Variants in ANK1 observed in about 807,000 individuals in gnomAD.
The protein encoded by ANK1 is ankyrin-1.
A neutral mutation model predicts 210.4 loss-of-function variants in ANK1; 51 were observed. That is an observed-to-expected ratio of 0.24 (90% CI 0.19 to 0.31). The LOEUF is 0.31. ANK1 is among the 10% of genes least tolerant of loss of function. The pLI, the probability that ANK1 is intolerant of heterozygous loss-of-function variation, is 1.00. For missense variants in ANK1, 2,051 were observed against 2,504.4 expected (o/e 0.82, Z 3.86); for synonymous variants, 967 against 1,025.9 (o/e 0.94, Z 1.10).
intron 1 of ANK1, among the ~76,000 whole-genome samples, chr8:41,881,488 G>A (rs1817580259): frequency 6.6e-6 from 1 of 152,200 alleles, no homozygotes; most frequent in African/African-American, 2.4e-5. Flanking sequence ...TCTGTACTCA[G>A]GGGGTTTGGA....
chr8:41,863,036 A>T (rs1435151730), intron 1 of ANK1, among the ~76,000 whole-genome samples: 1 of 151,580 alleles, frequency 6.6e-6, no homozygotes. Flanking sequence ...AAAAAGTTTG[A>T]CATAAAGAAT....
chr8:41,672,228 G>A, intron 38 of ANK1, 126 bp downstream of exon 38: 1 of 1,010,698 alleles, frequency 9.9e-7, no homozygotes, highest in East Asian at 2.5e-5. Context: ...GAATGTATGT[G>A]CTCCTGTGCA....
chr8:41,795,533 A>G (rs1210320367), intron 1 of ANK1, among the ~76,000 whole-genome samples: 2 of 151,926 alleles, frequency 1.3e-5, no homozygotes, highest in Non-Finnish European at 2.9e-5. Flanking sequence ...TTATTATTAA[A>G]TAAATAAATA....
In ANK1 at chr8:41,704,151, G is replaced by A; in HGVS notation, c.2197-12C>T. On this transcript the variant is annotated splice_polypyrimidine_tract_variant and intron_variant, in intron 19 of 42. Transcript: ENST00000289734. This position sits in a 1 kb window ranked among gnomAD's most constrained non-coding sequence, Gnocchi z 4.1. ...GGGCTGTATCCTAGCTGCAAAGTGA[G>A]CAGACATTTAGGCAGGGTTAGCCAG... 6.2e-7 allele frequency: 1 copy of A among 1,612,664 alleles called. No homozygotes were observed. The highest frequency in any genetic ancestry group is 8.5e-7 in the Non-Finnish European group (1 of 1,179,148).
intron 42 of ANK1, chr8:41,660,309 G>A (rs554491213): frequency 5.5e-5 from 23 of 420,760 alleles, no homozygotes; most frequent in Admixed American, 1.0e-4. Flanking sequence ...GATTTTTGCC[G>A]AATGCAGAAA....
chr8:41,879,552 G>C (rs1817213432), intron 1 of ANK1, among the ~76,000 whole-genome samples: 1 of 152,220 alleles, frequency 6.6e-6, no homozygotes, highest in African/African-American at 2.4e-5. Context: ...ATGTAGGAAG[G>C]AGACCAAACA....
intron 1 of ANK1, among the ~76,000 whole-genome samples, chr8:41,879,171 C>A (rs1817143905): frequency 6.6e-6 from 1 of 152,128 alleles, no homozygotes; most frequent in Non-Finnish European, 1.5e-5. Flanking sequence ...GTGTTCCTGT[C>A]CCAGCTCTGC....
intron 33 of ANK1, among the ~76,000 whole-genome samples, chr8:41,688,986 T>A (rs1818472420): frequency 6.6e-6 from 1 of 152,228 alleles, no homozygotes; most frequent in South Asian, 2.1e-4. Context: ...GGGTTGAACT[T>A]AAAATGATTG....
chr8:41,873,939 A>C (rs1425458685), intron 1 of ANK1, among the ~76,000 whole-genome samples: 2 of 152,174 alleles, frequency 1.3e-5, no homozygotes, highest in Admixed American at 1.3e-4. Flanking sequence ...GCCAAGCTCA[A>C]ACCAACACCC....
intron 38 of ANK1, among the ~76,000 whole-genome samples, chr8:41,671,145 G>T (rs1419824406): frequency 1.3e-5 from 2 of 152,152 alleles, no homozygotes; most frequent in African/African-American, 4.8e-5. Flanking sequence ...ACCTGCCGAC[G>T]CTGCTTTTCT....
At chr8:41,722,998 A>T (rs1170144443) in intron 9 of ANK1, 127 bp downstream of exon 9, 2 of 865,884 alleles carry the variant, frequency 2.3e-6, no homozygotes. Flanking sequence ...CTTGTAATAA[A>T]TGTCAAAGGT....
At position 41,698,136 on chromosome 8, in the gene ANK1, C is replaced by T. The variant is rs772743971; in HGVS notation, c.2559-15G>A. ...GAGATTCCACCCTGCGTGCCAAGAA[C>T]ACCAGAACATCACAGGGCTGATCCA... On this transcript the variant is annotated splice_polypyrimidine_tract_variant and intron_variant, in intron 23 of 42. Transcript: ENST00000289734. 1.2e-6 allele frequency: 2 copies of T among 1,613,796 alleles called. No individual in the cohort carries two copies. The highest frequency in any genetic ancestry group is 1.1e-5 in the South Asian group (1 of 91,054).
chr8:41,727,805 G>T, intron 4 of ANK1, 103 bp downstream of exon 4: 1 of 1,035,954 alleles, frequency 9.7e-7, no homozygotes, highest in Non-Finnish European at 1.5e-6. Context: ...CCCCACAGTA[G>T]TGTGTGTGTT....
chr8:41,779,977 G>A (rs796199148), intron 1 of ANK1, among the ~76,000 whole-genome samples: 4 of 152,210 alleles, frequency 2.6e-5, no homozygotes, highest in African/African-American at 9.6e-5. Context: ...AGCCTAGGGA[G>A]GTTCTTGGTT....
chr8:41,779,196 C>A (rs1190186308), intron 1 of ANK1, among the ~76,000 whole-genome samples: 3 of 152,158 alleles, frequency 2.0e-5, no homozygotes, highest in African/African-American at 7.2e-5. Flanking sequence ...CCTCTCCTAT[C>A]CCTGAGACAT....
intron 9 of ANK1, 120 bp from the exon 10 acceptor site, chr8:41,719,978 G>A (rs1828829454): frequency 8.1e-7 from 1 of 1,230,960 alleles, no homozygotes; most frequent in Admixed American, 2.0e-5. Flanking sequence ...ACAAGTCTCT[G>A]GAGGGAGCTT....
chr8:41,699,368 T>C (rs76627107), intron 23 of ANK1, 84 bp downstream of exon 23: 24,461 of 1,306,656 alleles, frequency 0.019, 482 homozygotes, highest in African/African-American at 0.093. Flanking sequence ...GCCTGCTGTG[T>C]CCTTCCTCCC....
At chr8:41,765,159 CTTTCCTTTCT>C (rs930181998) in intron 1 of ANK1, among the ~76,000 whole-genome samples, 5 of 144,572 alleles carry the variant, frequency 3.5e-5, no homozygotes, top group South Asian at 2.4e-4. Context: ...TTCTTCCTTC[CTTTCCTTTCT>C]TTTCCTTTCT....
At chr8:41,735,563 C>G (rs982086160) in intron 2 of ANK1, among the ~76,000 whole-genome samples, 2 of 152,136 alleles carry the variant, frequency 1.3e-5, no homozygotes, top group South Asian at 2.1e-4. Flanking sequence ...TGTGCGGGGT[C>G]CCTGACTCAC....
Sources: allele counts gnomAD v4.1 joint callset (sites outside exome capture counted in the v4.1 genomes callset), GRCh38; gene constraint gnomAD v4.1.1; non-coding constraint Gnocchi (gnomAD v3.1); transcripts MANE v1.5; gene names NCBI Gene and HGNC (gene_info 2026-07-23, HGNC 2026-07-21).